The following LINGO2 variants were observed in gnomAD, a reference collection of about 807,000 sequenced individuals.
LINGO2 encodes leucine rich repeat and Ig domain containing 2.
A neutral mutation model predicts 30.6 loss-of-function variants in LINGO2; 14 were observed. That is an observed-to-expected ratio of 0.46 (90% CI 0.30 to 0.72). The LOEUF is 0.72. Ranked by LOEUF, LINGO2 falls within the 30% of genes least tolerant of loss-of-function variation. LINGO2 has a pLI of 0.07. For missense variants in LINGO2, 729 were observed against 751.7 expected (o/e 0.97, Z 0.35); for synonymous variants, 317 against 288.5 (o/e 1.10, Z -1.00).
intron 1 of LINGO2, among the ~76,000 whole-genome samples, chr9:28,565,618 C>A (rs998752713): frequency 1.3e-5 from 2 of 151,674 alleles, no homozygotes; most frequent in Non-Finnish European, 2.9e-5. Flanking sequence ...GTGTCGCGAT[C>A]TCTGCTCACT....
At chr9:28,091,365 A>T (rs944691160) in intron 4 of LINGO2, among the ~76,000 whole-genome samples, 1 of 152,074 alleles carries the variant, frequency 6.6e-6, no homozygotes, top group African/African-American at 2.4e-5. Context: ...ACCAAAACAG[A>T]GATGTAGACC....
intron 4 of LINGO2, among the ~76,000 whole-genome samples, chr9:28,085,797 T>C (rs1825895902): frequency 6.6e-6 from 1 of 152,056 alleles, no homozygotes; most frequent in African/African-American, 2.4e-5. Context: ...GAATAGTGTG[T>C]GGTTAACACA....
intron 4 of LINGO2, among the ~76,000 whole-genome samples, chr9:28,155,723 T>C (rs1043241534): frequency 2.6e-5 from 4 of 152,174 alleles, no homozygotes; most frequent in Non-Finnish European, 4.4e-5. Flanking sequence ...AAATTCTAAC[T>C]CTGGAGGTGA....
chr9:28,817,524 G>A, the LINGO2 span, among the ~76,000 whole-genome samples: 3 of 152,124 alleles, frequency 2.0e-5, no homozygotes, highest in East Asian at 3.9e-4. Context: ...ATGGCAAAAC[G>A]ATGACCACTA....
chr9:28,383,371 T>C (rs1292578330), intron 2 of LINGO2, among the ~76,000 whole-genome samples: 1 of 151,970 alleles, frequency 6.6e-6, no homozygotes, highest in Non-Finnish European at 1.5e-5. Context: ...CCTCTGTTTT[T>C]AATCTTCCAC....
chr9:28,955,174 TAG>T, the LINGO2 span, among the ~76,000 whole-genome samples: 2 of 151,088 alleles, frequency 1.3e-5, no homozygotes, highest in South Asian at 2.1e-4. Context: ...AGAGTCGAAA[TAG>T]AGAGAGAGAG....
chr9:28,145,940 C>T (rs1827800992), intron 4 of LINGO2, among the ~76,000 whole-genome samples: 1 of 152,142 alleles, frequency 6.6e-6, no homozygotes, highest in South Asian at 2.1e-4. Context: ...GGCTCTTTGG[C>T]TGATTTGCTC....
the LINGO2 span, among the ~76,000 whole-genome samples, chr9:28,937,725 G>A: frequency 1.3e-5 from 2 of 152,126 alleles, no homozygotes; most frequent in East Asian, 1.9e-4. Flanking sequence ...GCATCTGTGG[G>A]TTCTGGGCCT....
At chr9:28,043,869 C>A (rs1824301904) in intron 4 of LINGO2, among the ~76,000 whole-genome samples, 1 of 152,148 alleles carries the variant, frequency 6.6e-6, no homozygotes, top group South Asian at 2.1e-4. Flanking sequence ...AATCAAGTAT[C>A]CGTTTAGTCA....
chr9:28,438,268 G>GT (rs1373804917), intron 2 of LINGO2, among the ~76,000 whole-genome samples: 1 of 152,158 alleles, frequency 6.6e-6, no homozygotes, highest in African/African-American at 2.4e-5. Flanking sequence ...GTCTGAGAGG[G>GT]TTTTTCTGGA....
At chr9:28,581,573 T>C (rs1377888435) in intron 1 of LINGO2, among the ~76,000 whole-genome samples, 1 of 151,534 alleles carries the variant, frequency 6.6e-6, no homozygotes, top group African/African-American at 2.4e-5. Flanking sequence ...AAAGGAAAAC[T>C]TACCCATGAT....
the LINGO2 span, among the ~76,000 whole-genome samples, chr9:28,806,853 T>G: frequency 2.0e-5 from 3 of 152,224 alleles, no homozygotes; most frequent in African/African-American, 7.2e-5. Flanking sequence ...CTCAGATACT[T>G]GAATATAATC....
the LINGO2 span, among the ~76,000 whole-genome samples, chr9:28,950,761 G>GA: frequency 3.3e-5 from 5 of 152,080 alleles, no homozygotes; most frequent in African/African-American, 1.2e-4. Context: ...CAAACAAATA[G>GA]AAAAACCTTC....
At position 28,019,103 on chromosome 9, in the gene LINGO2, AACAG is replaced by A. The variant is rs1822985483; in HGVS notation, c.-86-6702_-86-6699del. On this transcript the variant is annotated intron_variant, in intron 4 of 5. Coordinates refer to ENST00000379992, the Ensembl canonical transcript of LINGO2. ...TACACATGGGCACTAAGAAGGGAAA[AACAG>A]ACACTGAGGCCTACTTGACAGATGA... Among the ~76,000 whole-genome samples the A allele has an allele frequency of 2.6e-5, 4 of 152,056 alleles. No homozygotes were observed. In the South Asian group the frequency reaches 8.3e-4, roughly 32 times the overall value.
chr9:28,590,698 A>T (rs1291037293), intron 1 of LINGO2, among the ~76,000 whole-genome samples: 1 of 152,166 alleles, frequency 6.6e-6, no homozygotes, highest in African/African-American at 2.4e-5. Flanking sequence ...GAACACTTTT[A>T]CACTGTTGGC....
At position 28,577,115 on chromosome 9, in the gene LINGO2, T is replaced by C. The variant is rs79528014; in HGVS notation, c.-365+93085A>G. Among the ~76,000 whole-genome samples the C allele has an allele frequency of 8.5e-3, 1,290 of 152,266 alleles. 28 individuals are homozygous for C. Among genetic ancestry groups the C allele is most frequent in the East Asian group, 0.055 (286 of 5,168 alleles). ...TTAATAGCCTTTCCCCAAATTAAAT[T>C]GCCTTTATAAAATAAAACGCCACAA... On this transcript the variant is annotated intron_variant, in intron 1 of 5. Coordinates refer to ENST00000379992, the Ensembl canonical transcript of LINGO2.
the LINGO2 span, among the ~76,000 whole-genome samples, chr9:29,097,445 T>C: frequency 7.2e-6 from 1 of 138,522 alleles, no homozygotes; most frequent in Non-Finnish European, 1.6e-5. Flanking sequence ...TACAAGTCAT[T>C]AAAAGTAAAT....
intron 4 of LINGO2, among the ~76,000 whole-genome samples, chr9:28,106,487 G>C (rs1165657534): frequency 6.6e-6 from 1 of 152,148 alleles, no homozygotes; most frequent in Non-Finnish European, 1.5e-5. Context: ...AAGTCGAAGA[G>C]GAAAACTTCT....
At chr9:28,346,287 G>T (rs1326460595) in intron 3 of LINGO2, among the ~76,000 whole-genome samples, 1 of 152,080 alleles carries the variant, frequency 6.6e-6, no homozygotes, top group Non-Finnish European at 1.5e-5. Context: ...CTACTTATAT[G>T]TGAGAAAATG....
Sources: allele counts gnomAD v4.1 joint callset (sites outside exome capture counted in the v4.1 genomes callset), GRCh38; gene constraint gnomAD v4.1.1; transcripts MANE v1.5; gene names NCBI Gene and HGNC (gene_info 2026-07-23, HGNC 2026-07-21).